The following ERGIC2 variants were observed in gnomAD, a reference collection of about 807,000 sequenced individuals.
The protein encoded by ERGIC2 is ERGIC and golgi 2, also known as endoplasmic reticulum-Golgi intermediate compartment protein 2.
Under a neutral mutation model 52.5 loss-of-function variants are expected in ERGIC2, and 31 were observed. The observed-to-expected ratio is 0.59, with a 90% confidence interval of 0.44 to 0.80. The LOEUF is 0.80. Ranked by LOEUF, ERGIC2 falls within the 30% of genes least tolerant of loss-of-function variation. ERGIC2 has a pLI of 0.00. For synonymous variants in ERGIC2, 129 were observed against 140.6 expected (o/e 0.92, Z 0.58); for missense variants, 395 against 455.2 (o/e 0.87, Z 1.20).
chr12:29,372,257 C>T (rs71453735), intron 1 of ERGIC2, among the ~76,000 whole-genome samples: 54 of 151,906 alleles, frequency 3.6e-4, no homozygotes, highest in Non-Finnish European at 6.9e-4. Flanking sequence ...GCAGGAGAAT[C>T]GCTTGAACCT....
rs141687795 is a variant in ERGIC2 at position 29,350,754 on chromosome 12, G to A, written c.573-686C>T. ...TTCCTTTGTATTTGCATCAATGTCT[G>A]AAGTTCTGGAACTATAGTTTGAAAG... On this transcript the variant is annotated intron_variant, in intron 8 of 13. Transcript: ENST00000360150. 3.4e-3 allele frequency among the ~76,000 whole-genome samples: 520 copies of A among 152,132 alleles called. 5 individuals are homozygous for A. Among genetic ancestry groups the A allele is most frequent in the African/African-American group, 0.012 (489 of 41,540 alleles).
intron 11 of ERGIC2, among the ~76,000 whole-genome samples, chr12:29,344,573 G>A (rs57803026): frequency 0.29 from 43,256 of 151,746 alleles, 6,371 homozygotes; most frequent in East Asian, 0.35. Flanking sequence ...TATATATGCA[G>A]TTATATGAAC....
In ERGIC2 at chr12:29,372,071, C is replaced by G. The variant is rs551147890; in HGVS notation, c.-37-401G>C. 1.1e-4 allele frequency among the ~76,000 whole-genome samples: 17 copies of G among 152,184 alleles called. No homozygotes were observed. The South Asian group carries it at 1.9e-3, about 17-fold the overall frequency. On this transcript the variant is annotated intron_variant, in intron 1 of 13. Transcript: ENST00000360150. ...AACAAGAATATAGGCCAGGCACGGT[C>G]GCTCACGCCTGTAATCCCAGTACTT...
intron 3 of ERGIC2, among the ~76,000 whole-genome samples, chr12:29,369,851 A>T (rs1156950011): frequency 6.6e-6 from 1 of 151,946 alleles, no homozygotes; most frequent in East Asian, 1.9e-4. Context: ...CACAATATAC[A>T]TATCTAAGGA....
Position 29,339,495 on chromosome 12 carries a change from T to C in ERGIC2, c.*1661A>G, listed in dbSNP as rs1200695081. On this transcript the variant is annotated 3_prime_UTR_variant, in exon 14 of 14. Transcript: ENST00000360150. ...GTGTTAGTTTATAGCCAAACTTTGT[T>C]GGAAATAATTTGAAGAAAAAAAATT... 3 of 152,276 alleles carry C rather than the reference T, an allele frequency of 2.0e-5. No homozygotes were observed. The highest frequency in any genetic ancestry group is 4.4e-5 in the Non-Finnish European group (3 of 67,996). The allele number at this position is 152,276 out of a possible 1,614,324, so 9.4% of individuals were successfully genotyped here.
intron 5 of ERGIC2, among the ~76,000 whole-genome samples, chr12:29,365,415 T>C (rs1325323581): frequency 6.6e-6 from 1 of 151,828 alleles, no homozygotes; most frequent in African/African-American, 2.4e-5. Context: ...TGGGTACTCA[T>C]AGACATAAAA....
chr12:29,379,036 A>G lies in ERGIC2; in HGVS notation c.-38+2079T>C, dbSNP rs529169615. On this transcript the variant is annotated intron_variant, in intron 1 of 13. Coordinates refer to ENST00000360150, the MANE Select transcript of ERGIC2 (RefSeq NM_016570.3). ...GGAGAGTATGTGAGGTTAGTTGACA[A>G]TCTCCTGAAGTTAGGATGGCATAAA... Among the ~76,000 whole-genome samples, 3 of 152,300 alleles carry G rather than the reference A, an allele frequency of 2.0e-5. No individual in the cohort carries two copies. In the East Asian group the frequency reaches 5.8e-4, roughly 29 times the overall value.
At chr12:29,361,076 A>C (rs912063364) in intron 6 of ERGIC2, among the ~76,000 whole-genome samples, 1 of 152,048 alleles carries the variant, frequency 6.6e-6, no homozygotes, top group Admixed American at 6.6e-5. Context: ...GTGAAACCCT[A>C]TCTCTACTAA....
intron 10 of ERGIC2, among the ~76,000 whole-genome samples, chr12:29,346,504 G>C (rs1940053839): frequency 6.6e-6 from 1 of 151,990 alleles, no homozygotes; most frequent in Admixed American, 6.6e-5. Flanking sequence ...TTTCTTTATA[G>C]TACAGAAACT....
chr12:29,348,261 A>G (rs180777279), intron 10 of ERGIC2, among the ~76,000 whole-genome samples: 8 of 152,218 alleles, frequency 5.3e-5, no homozygotes, highest in Admixed American at 5.2e-4. Context: ...AAAAGTAAAG[A>G]ATATGAATAA....
At chr12:29,365,374 A>G (rs1940345602) in intron 5 of ERGIC2, among the ~76,000 whole-genome samples, 1 of 152,112 alleles carries the variant, frequency 6.6e-6, no homozygotes, top group Non-Finnish European at 1.5e-5. Flanking sequence ...CATACACCAT[A>G]TGTTCTCATT....
At chr12:29,358,378 G>T (rs1313076071) in intron 6 of ERGIC2, among the ~76,000 whole-genome samples, 1 of 152,124 alleles carries the variant, frequency 6.6e-6, no homozygotes. Context: ...GTTATACACA[G>T]TGGGAAGGGA....
intron 1 of ERGIC2, among the ~76,000 whole-genome samples, chr12:29,377,631 C>T (rs1218374865): frequency 3.3e-5 from 5 of 152,242 alleles, no homozygotes; most frequent in African/African-American, 1.2e-4. Context: ...TCCACAGATG[C>T]AGAATCCACA....
Position 29,343,628 on chromosome 12 carries a change from T to C in ERGIC2, c.826-346A>G, listed in dbSNP as rs76344546. ...AAACTGCAAGCTTTAGGAATACAAA[T>C]AATGAGGTTAACTACTACCAAGGGA... On this transcript the variant is annotated intron_variant, in intron 11 of 13. Coordinates refer to ENST00000360150, the MANE Select transcript of ERGIC2 (RefSeq NM_016570.3). 9.2e-3 allele frequency among the ~76,000 whole-genome samples: 1,401 copies of C among 152,264 alleles called. 22 individuals carry two copies. Among genetic ancestry groups the C allele is most frequent in the African/African-American group, 0.032 (1,343 of 41,554 alleles).
At chr12:29,355,394 T>G (rs1205890703) in intron 8 of ERGIC2, among the ~76,000 whole-genome samples, 1 of 152,226 alleles carries the variant, frequency 6.6e-6, no homozygotes, top group African/African-American at 2.4e-5. Flanking sequence ...CTTTATTTTT[T>G]TCTTCACTGT....
intron 10 of ERGIC2, among the ~76,000 whole-genome samples, chr12:29,347,117 C>T (rs1477337310): frequency 1.3e-5 from 2 of 152,282 alleles, no homozygotes; most frequent in East Asian, 3.9e-4. Flanking sequence ...AGAGTAAAAG[C>T]TTTGACCTTC....
At chr12:29,341,881 T>C in intron 12 of ERGIC2, 65 bp from the exon 13 acceptor site, 1 of 771,994 alleles carries the variant, frequency 1.3e-6, no homozygotes. Flanking sequence ...AATAAATAAC[T>C]ATAATGGAAT....
chr12:29,380,374 G>A (rs1260907993), intron 1 of ERGIC2, among the ~76,000 whole-genome samples: 1 of 151,320 alleles, frequency 6.6e-6, no homozygotes, highest in Non-Finnish European at 1.5e-5. Flanking sequence ...AAACCAGTCT[G>A]GCAACATTTT....
In ERGIC2 at chr12:29,350,074, A is replaced by T. The variant is rs924405076; in HGVS notation, c.573-6T>A. ...CACGAGGATGTGGAATTGCCCTGAAAGGAGAAAAAACAATTATTAAAGTAG... is the reference window on the plus strand; with the variant it reads ...CACGAGGATGTGGAATTGCCCTGAATGGAGAAAAAACAATTATTAAAGTAG... On this transcript the variant is annotated splice_region_variant and splice_polypyrimidine_tract_variant and intron_variant, in intron 8 of 13. Transcript: ENST00000360150. The T allele has an allele frequency of 3.2e-6, 5 of 1,585,370 alleles. No individual in the cohort carries two copies. The African/African-American group carries it at 6.7e-5, about 21-fold the overall frequency.
Sources: gnomAD v4.1 joint callset for allele counts (sites outside exome capture counted in the v4.1 genomes callset) on GRCh38, gnomAD v4.1.1 for gene constraint, MANE v1.5 for transcripts, NCBI Gene and HGNC (gene_info 2026-07-23, HGNC 2026-07-21) for gene names.